PDLIM5: variants seen among roughly 807,000 people sequenced by gnomAD.
PDLIM5 encodes PDZ and LIM domain 5.
A neutral mutation model predicts 64.2 loss-of-function variants in PDLIM5; 34 were observed. The observed-to-expected ratio is 0.53, with a 90% CI of 0.40 to 0.71. PDLIM5 has a LOEUF of 0.71. PDLIM5 is among the 30% of genes least tolerant of loss of function. PDLIM5 has a pLI of 0.00. For missense variants in PDLIM5, 683 were observed against 733.6 expected (o/e 0.93, Z 0.80); for synonymous variants, 253 against 269.1 (o/e 0.94, Z 0.59).
At chr4:94,659,484 A>ATGTGTGTGTGTGTGTG (rs1477746279) in intron 11 of PDLIM5, among the ~76,000 whole-genome samples, 1 of 133,708 alleles carries the variant, frequency 7.5e-6, no homozygotes, top group African/African-American at 2.9e-5. Context: ...GCTGTAGTAT[A>ATGTGTGTGTGTGTGTG]TATGTGTGTA....
intron 3 of PDLIM5, among the ~76,000 whole-genome samples, chr4:94,567,215 G>A (rs181169644): frequency 1.4e-4 from 21 of 152,108 alleles, no homozygotes; most frequent in East Asian, 5.8e-4. Flanking sequence ...GGATGATCTC[G>A]ATCTCCTGAC....
At chr4:94,622,520 C>T (rs1427679420) in intron 8 of PDLIM5, among the ~76,000 whole-genome samples, 1 of 152,182 alleles carries the variant, frequency 6.6e-6, no homozygotes, top group Non-Finnish European at 1.5e-5. Context: ...ACCCGTTGTT[C>T]ATTGAGCCAG....
chr4:94,664,956 T>C lies in PDLIM5; in HGVS notation c.*889T>C. On this transcript the variant is annotated 3_prime_UTR_variant, in exon 13 of 13. Transcript: ENST00000317968. ...GACAATAAGATTTTTTATCAAAATG[T>C]GTCATGCCAGTAAGAGATGTTATAT... 17 of 981,804 alleles carry C rather than the reference T, an allele frequency of 1.7e-5. No individual in the cohort carries two copies. Among genetic ancestry groups the C allele is most frequent in the Non-Finnish European group, 2.1e-5 (17 of 826,638 alleles). 60.8% of individuals were successfully genotyped at this position (981,804 alleles called of 1,614,324 possible).
At chr4:94,510,345 A>G (rs1309501087) in intron 2 of PDLIM5, among the ~76,000 whole-genome samples, 1 of 152,076 alleles carries the variant, frequency 6.6e-6, no homozygotes, top group Non-Finnish European at 1.5e-5. Flanking sequence ...ATCTGTGTAA[A>G]TATTTGCACA....
At chr4:94,600,362 C>G (rs1162913535) in intron 7 of PDLIM5, among the ~76,000 whole-genome samples, 1 of 152,180 alleles carries the variant, frequency 6.6e-6, no homozygotes, top group Non-Finnish European at 1.5e-5. Flanking sequence ...ACAGGACACT[C>G]TCACTGGAGC....
At chr4:94,651,488 G>A (rs1165107305) in intron 9 of PDLIM5, among the ~76,000 whole-genome samples, 1 of 152,058 alleles carries the variant, frequency 6.6e-6, no homozygotes, top group Admixed American at 6.6e-5. Flanking sequence ...GACTTTTACA[G>A]GTATGTGAAA....
intron 2 of PDLIM5, among the ~76,000 whole-genome samples, chr4:94,491,977 A>G (rs1203965601): frequency 6.6e-6 from 1 of 151,830 alleles, no homozygotes; most frequent in Non-Finnish European, 1.5e-5. Context: ...CTGCTGTGCT[A>G]TAGGTCTCAA....
Position 94,667,920 on chromosome 4 carries a change from T to C in PDLIM5, c.*3853T>C, listed in dbSNP as rs1411967588. On this transcript the variant is annotated 3_prime_UTR_variant, in exon 13 of 13. Coordinates refer to ENST00000317968, the MANE Select transcript of PDLIM5 (RefSeq NM_006457.5). ...TGGCATTTGGAGTTTGTCATCCCCA[T>C]TGAAGGGAGAGCCTTCTCAGACATG... 4 of 152,170 alleles carry C rather than the reference T, an allele frequency of 2.6e-5. No individual in the cohort carries two copies. Among genetic ancestry groups the C allele is most frequent in the African/African-American group, 9.7e-5 (4 of 41,442 alleles). 9.4% of individuals were successfully genotyped at this position (152,170 alleles called of 1,614,324 possible).
At chr4:94,605,328 C>G (rs531859931) in intron 7 of PDLIM5, among the ~76,000 whole-genome samples, 1 of 152,078 alleles carries the variant, frequency 6.6e-6, no homozygotes, top group Non-Finnish European at 1.5e-5. Flanking sequence ...CACAAGGGTC[C>G]GTAATGAACA....
At chr4:94,484,645 A>G (rs559135775) in intron 2 of PDLIM5, among the ~76,000 whole-genome samples, 23 of 152,326 alleles carry the variant, frequency 1.5e-4, no homozygotes, top group Admixed American at 1.3e-3. Flanking sequence ...GTCCATAGGT[A>G]CACAGCCAGT....
At chr4:94,462,833 A>G (rs1377824585) in intron 2 of PDLIM5, among the ~76,000 whole-genome samples, 2 of 152,188 alleles carry the variant, frequency 1.3e-5, no homozygotes, top group South Asian at 2.1e-4. Context: ...ATCATTTCCA[A>G]TCAGATGGGC....
chr4:94,645,877 A>T (rs1741372197), intron 9 of PDLIM5, among the ~76,000 whole-genome samples: 1 of 152,228 alleles, frequency 6.6e-6, no homozygotes, highest in Non-Finnish European at 1.5e-5. Flanking sequence ...ATAACTGAAG[A>T]CTATGGCAGT....
intron 2 of PDLIM5, among the ~76,000 whole-genome samples, chr4:94,519,102 G>A (rs547634822): frequency 2.0e-5 from 3 of 152,286 alleles, no homozygotes; most frequent in Admixed American, 6.5e-5. Context: ...AGTGAATTAC[G>A]TTCTGAATGT....
chr4:94,464,214 A>G (rs1724145437), intron 2 of PDLIM5, among the ~76,000 whole-genome samples: 1 of 152,304 alleles, frequency 6.6e-6, no homozygotes, highest in Admixed American at 6.5e-5. Context: ...TTTTTTCCCC[A>G]AGGTCCAGAG....
At chr4:94,519,779 CT>C (rs1729671260) in intron 2 of PDLIM5, among the ~76,000 whole-genome samples, 1 of 152,094 alleles carries the variant, frequency 6.6e-6, no homozygotes, top group Non-Finnish European at 1.5e-5. Context: ...AAAAATTTAT[CT>C]TTGGGTCTTT....
intron 9 of PDLIM5, among the ~76,000 whole-genome samples, chr4:94,645,705 T>A (rs1363538500): frequency 1.3e-5 from 2 of 152,222 alleles, no homozygotes; most frequent in Non-Finnish European, 2.9e-5. Flanking sequence ...AGAGTTATAA[T>A]GTCCAGATAA....
chr4:94,663,992 T>C lies in PDLIM5; in HGVS notation c.1716T>C (p.Ser572=). The change falls in exon 13 of 13, where the codon AGT becomes AGC. Residue 572 remains serine, a synonymous_variant. Coordinates refer to ENST00000317968, the MANE Select transcript of PDLIM5 (RefSeq NM_006457.5). ...TTCTTTTTCAGGTGTGTTGTGAAAG[T>C]TTGGAAGGTCAGACCTTTTTCTCCA... The part of the protein sequence containing the change: ...TCFVCSVCCE[S]LEGQTFFSKK... The C allele has an allele frequency of 6.2e-7, 1 of 1,604,128 alleles. No individual in the cohort carries two copies. Among genetic ancestry groups the C allele is most frequent in the Non-Finnish European group, 8.5e-7 (1 of 1,172,516 alleles).
At position 94,523,713 on chromosome 4, in the gene PDLIM5, A is replaced by G; in HGVS notation, c.97-11A>G. 1 of 1,606,466 alleles carries G rather than the reference A, an allele frequency of 6.2e-7. No individual in the cohort carries two copies. The highest frequency in any genetic ancestry group is 8.5e-7 in the Non-Finnish European group (1 of 1,173,826). ...AAGAGTGACACTCCTAATGAAATAT[A>G]TTTATTACAGCTAAAAGATGGCGGC... On this transcript the variant is annotated splice_polypyrimidine_tract_variant and intron_variant, in intron 2 of 12. Coordinates refer to ENST00000317968, the MANE Select transcript of PDLIM5 (RefSeq NM_006457.5).
At chr4:94,585,514 C>A (rs539110320) in intron 5 of PDLIM5, 51 bp from the exon 6 acceptor site, 7 of 1,074,952 alleles carry the variant, frequency 6.5e-6, no homozygotes, top group South Asian at 4.4e-5. Context: ...ATATTTTATC[C>A]TTTTAATATA....
Sources: allele counts gnomAD v4.1 joint callset (sites outside exome capture counted in the v4.1 genomes callset), GRCh38; gene constraint gnomAD v4.1.1; transcripts MANE v1.5; gene names NCBI Gene and HGNC (gene_info 2026-07-23, HGNC 2026-07-21).